TBC1D28: variants seen among roughly 807,000 people sequenced by gnomAD.
The protein encoded by TBC1D28 is TBC1 domain family member 28, also known as TBC1 domain family, member 28.
In TBC1D28, 20 loss-of-function variants were observed where a neutral mutation model predicts 29.2. The ratio of observed to expected loss-of-function variants is 0.68; its 90% confidence interval spans 0.48 to 0.99. TBC1D28 has a LOEUF of 0.99. TBC1D28 is among the 50% of genes least tolerant of loss of function. The probability of loss-of-function intolerance (pLI) is 0.00; values close to 1 mark genes in which losing one functional copy is unlikely to be tolerated. For synonymous variants in TBC1D28, 65 were observed against 90.9 expected (o/e 0.71, Z 1.62); for missense variants, 205 against 243.7 (o/e 0.84, Z 1.06).
chr17:18,638,968 G>A (rs1236774711), intron 5 of TBC1D28: 41 of 904,122 alleles, frequency 4.5e-5, no homozygotes, highest in Non-Finnish European at 6.5e-5. Context: ...AACAGGCAGT[G>A]GACTCTGAGC....
chr17:18,635,769 G>C, exon 9 of TBC1D28: 1 of 987,598 alleles, frequency 1.0e-6, no homozygotes, highest in Non-Finnish European at 1.2e-6. Context: ...CTGCCACCGT[G>C]GTTTCCGGGA....
Position 18,637,880 on chromosome 17 carries a change from G to C in TBC1D28, c.481C>G (p.Gln161Glu), listed in dbSNP as rs377075494. The C allele has an allele frequency of 2.5e-6, 4 of 1,613,770 alleles. No individual in the cohort carries two copies. In the South Asian group the frequency reaches 3.3e-5, roughly 13 times the overall value. The change falls in exon 8 of 9, where the codon CAA (glutamine) becomes GAA (glutamate). Residue 161 changes from glutamine (Q) to glutamate (E), a missense_variant. Physicochemically the swap from Gln to Glu is conservative, Grantham distance 29 (BLOSUM62 2). Transcript: ENST00000345096. Reference sequence around the variant, plus strand: ...TGGCCTTACTTGACTCCGAATCTTTGTATGAACATCATGTGTTTCTGCAGG... The same window carrying C: ...TGGCCTTACTTGACTCCGAATCTTTCTATGAACATCATGTGTTTCTGCAGG...
At position 18,638,424 on chromosome 17, in the gene TBC1D28, C is replaced by T. The variant is rs371390145; in HGVS notation, c.280-4G>A. 221 of 1,614,148 alleles carry T rather than the reference C, an allele frequency of 1.4e-4. 1 individual carries two copies. In the African/African-American group the frequency reaches 2.6e-3, roughly 19 times the overall value. ...CTTTGCATACTCTTTGAGACAGCTA[C>T]AGACAGAAGAACACTCCAGTGAGAA... On this transcript the variant is annotated splice_region_variant and splice_polypyrimidine_tract_variant and intron_variant, in intron 6 of 8. Coordinates refer to ENST00000345096, the Ensembl canonical transcript of TBC1D28.
intron 8 of TBC1D28, among the ~76,000 whole-genome samples, chr17:18,637,142 T>C (rs2031539298): frequency 7.1e-6 from 1 of 139,914 alleles, no homozygotes; most frequent in Non-Finnish European, 1.5e-5. Flanking sequence ...GCAATACTCA[T>C]CTAAGATCCA....
chr17:18,643,167 C>T (rs1260433804), upstream of TBC1D28, among the ~76,000 whole-genome samples: 1 of 152,172 alleles, frequency 6.6e-6, no homozygotes, highest in Admixed American at 6.5e-5. Flanking sequence ...CCTCAGAACT[C>T]CCCACACGGG....
At chr17:18,635,362 C>CCTCAGATGGGG (rs1426516105) in exon 9 of TBC1D28, 1 of 187,444 alleles carries the variant, frequency 5.3e-6, no homozygotes, top group African/African-American at 2.4e-5. Flanking sequence ...GAGCCCACGG[C>CCTCAGATGGGG]CTCAGATGGG....
At chr17:18,640,180 TG>T (rs1250878740) in intron 4 of TBC1D28, among the ~76,000 whole-genome samples, 1 of 152,078 alleles carries the variant, frequency 6.6e-6, no homozygotes, top group Non-Finnish European at 1.5e-5. Context: ...GCAGAATCTC[TG>T]GAGGGCCATG....
upstream of TBC1D28, chr17:18,642,561 G>A (rs2031820502): frequency 6.6e-6 from 1 of 152,096 alleles, no homozygotes; most frequent in East Asian, 1.9e-4. Context: ...GCCAGTCACC[G>A]CCTCTCTGAC....
upstream of TBC1D28, among the ~76,000 whole-genome samples, chr17:18,643,181 G>A (rs1321644361): frequency 6.6e-6 from 1 of 152,198 alleles, no homozygotes; most frequent in Non-Finnish European, 1.5e-5. Context: ...ACACGGGGCA[G>A]TCCTGAAGAT....
chr17:18,639,167 G>A lies in TBC1D28; in HGVS notation c.198+8C>T, dbSNP rs781038525. The A allele has an allele frequency of 5.6e-6, 9 of 1,611,016 alleles. No homozygotes were observed. The East Asian group carries it at 2.0e-4, about 36-fold the overall frequency. ...GCAGCCTCCCACGCAGCAGGCACAG[G>A]CTCTTACCTTCACCTCCAGGGCACT... On this transcript the variant is annotated splice_region_variant and intron_variant, in intron 5 of 8. Coordinates refer to ENST00000345096, the Ensembl canonical transcript of TBC1D28.
Position 18,638,302 on chromosome 17 carries a change from G to A in TBC1D28, c.387+11C>T, listed in dbSNP as rs933394218. ...TTTGTACTGCCCTAGCTGAGTGTGG[G>A]AGGGACTTACCTTATATTTGCCTGG... On this transcript the variant is annotated intron_variant, in intron 7 of 8. Coordinates refer to ENST00000345096, the Ensembl canonical transcript of TBC1D28. The A allele has an allele frequency of 6.2e-7, 1 of 1,613,530 alleles. No individual in the cohort carries two copies. The highest frequency in any genetic ancestry group is 1.3e-5 in the African/African-American group (1 of 74,912).
exon 9 of TBC1D28, chr17:18,636,478 C>T (rs1176701866): frequency 1.9e-6 from 3 of 1,613,626 alleles, no homozygotes; most frequent in Non-Finnish European, 2.5e-6. Context: ...AGTTGCAACA[C>T]CCCCGAGAGA....
chr17:18,639,179 A>C (rs2031653301), exon 5 of TBC1D28: 3 of 1,610,946 alleles, frequency 1.9e-6, no homozygotes, highest in African/African-American at 2.7e-5. Flanking sequence ...TCTTACCTTC[A>C]CCTCCAGGGC....
chr17:18,641,984 G>A (rs1300187681), exon 1 of TBC1D28: 1 of 166,574 alleles, frequency 6.0e-6, no homozygotes, highest in Non-Finnish European at 1.3e-5. Context: ...CAATACAGGA[G>A]GGGACTTTGT....
chr17:18,643,896 C>T (rs948698114), upstream of TBC1D28, among the ~76,000 whole-genome samples: 3 of 152,190 alleles, frequency 2.0e-5, no homozygotes, highest in Non-Finnish European at 4.4e-5. Flanking sequence ...GACCGAGCAC[C>T]ACCTCCCTCC....
At chr17:18,638,443 G>A in intron 6 of TBC1D28, 23 bp from the exon 8 acceptor site, 6 of 1,613,710 alleles carry the variant, frequency 3.7e-6, no homozygotes, top group Non-Finnish European at 5.1e-6. Flanking sequence ...GAACACTCCA[G>A]TGAGAAAGGA....
exon 4 of TBC1D28, chr17:18,641,098 G>C (rs561645236): frequency 1.5e-6 from 1 of 685,630 alleles, no homozygotes; most frequent in Non-Finnish European, 2.4e-6. Context: ...GCCCCAGCTC[G>C]GTGTCCCTGA....
At chr17:18,636,452 C>A (rs375540219) in exon 9 of TBC1D28, 2 of 1,611,942 alleles carry the variant, frequency 1.2e-6, no homozygotes, top group East Asian at 2.2e-5. Context: ...GGTGGACAAA[C>A]GCTGAATTTT....
Position 18,638,208 on chromosome 17 carries a change from C to T in TBC1D28, c.387+105G>A, listed in dbSNP as rs560327683. The T allele has an allele frequency of 3.6e-5, 51 of 1,413,880 alleles. No individual in the cohort carries two copies. The South Asian group carries it at 5.6e-4, about 16-fold the overall frequency. The allele number at this position is 1,413,880 out of a possible 1,614,324, so 87.6% of individuals were successfully genotyped here. On this transcript the variant is annotated intron_variant, in intron 7 of 8. Coordinates refer to ENST00000345096, the Ensembl canonical transcript of TBC1D28. ...CCCAGGATGTGCATCTGACCACAGC[C>T]CCCACCCCCAACCCAGGCTCAACGT...
Sources: allele counts gnomAD v4.1 joint callset (sites outside exome capture counted in the v4.1 genomes callset), GRCh38; gene constraint gnomAD v4.1.1; transcripts MANE v1.5; gene names NCBI Gene and HGNC (gene_info 2026-07-23, HGNC 2026-07-21).